Variants in CLYBL observed in about 807,000 individuals in gnomAD.
The protein encoded by CLYBL is citramalyl-CoA lyase.
A neutral mutation model predicts 38.9 loss-of-function variants in CLYBL; 31 were observed. The observed-to-expected ratio is 0.80, with a 90% CI of 0.60 to 1.08. CLYBL has a LOEUF of 1.08. CLYBL is among the 50% of genes least tolerant of loss of function. The probability of loss-of-function intolerance (pLI) is 0.00; values close to 1 mark genes in which losing one functional copy is unlikely to be tolerated. For synonymous variants in CLYBL, 171 were observed against 158.6 expected, an observed-to-expected ratio of 1.08 and a Z score of -0.59; for missense variants, 434 against 411.6, an observed-to-expected ratio of 1.05 and a Z score of -0.47.
chr13:99,863,564 A>G (rs2051663779), intron 4 of CLYBL, among the ~76,000 whole-genome samples: 3 of 152,246 alleles, frequency 2.0e-5, no homozygotes, highest in Non-Finnish European at 4.4e-5. Context: ...CATGCACACA[A>G]ATAATTTGCA....
At chr13:99,606,870 CG>C (rs1233270840) in intron 1 of CLYBL, 113 bp downstream of exon 1, 1 of 1,273,858 alleles carries the variant, frequency 7.9e-7, no homozygotes, top group African/African-American at 1.6e-5. Flanking sequence ...GGAACCCAGC[CG>C]GACGGAAGCA....
chr13:99,885,428 G>T (rs973349304), intron 7 of CLYBL, among the ~76,000 whole-genome samples: 3 of 152,098 alleles, frequency 2.0e-5, no homozygotes, highest in Non-Finnish European at 4.4e-5. Context: ...AGGGGGGAGG[G>T]TCCCATCATG....
chr13:99,746,699 G>A (rs538296031), intron 1 of CLYBL, among the ~76,000 whole-genome samples: 6 of 152,250 alleles, frequency 3.9e-5, no homozygotes, highest in South Asian at 2.1e-4. Flanking sequence ...TCAGGCTGGC[G>A]TGTCCTTTCT....
chr13:99,818,316 A>G (rs1426982232), intron 2 of CLYBL, among the ~76,000 whole-genome samples: 1 of 151,900 alleles, frequency 6.6e-6, no homozygotes, highest in East Asian at 1.9e-4. Context: ...CTGCCCACAA[A>G]ACTTTTCACT....
intron 2 of CLYBL, among the ~76,000 whole-genome samples, chr13:99,842,155 A>G (rs569212359): frequency 2.6e-5 from 4 of 152,248 alleles, no homozygotes; most frequent in African/African-American, 9.6e-5. Flanking sequence ...ATTTGATGCA[A>G]GTCGACAGTC....
At chr13:99,715,835 C>A (rs1455343840) in intron 1 of CLYBL, among the ~76,000 whole-genome samples, 1 of 152,090 alleles carries the variant, frequency 6.6e-6, no homozygotes, top group East Asian at 1.9e-4. Flanking sequence ...TCAGTGTTTT[C>A]ACTTGTTGAT....
chr13:99,647,241 C>G (rs1036938267), intron 1 of CLYBL, among the ~76,000 whole-genome samples: 1 of 152,128 alleles, frequency 6.6e-6, no homozygotes, highest in Non-Finnish European at 1.5e-5. Flanking sequence ...TTTGATAGCC[C>G]CAGCTCAAGA....
intron 1 of CLYBL, among the ~76,000 whole-genome samples, chr13:99,610,776 C>G (rs1025372341): frequency 2.6e-5 from 4 of 152,210 alleles, no homozygotes; most frequent in Non-Finnish European, 5.9e-5. Flanking sequence ...CATGTCACAA[C>G]TTTTCAGAGC....
At chr13:99,773,998 G>A (rs2049456387) in intron 2 of CLYBL, among the ~76,000 whole-genome samples, 1 of 151,710 alleles carries the variant, frequency 6.6e-6, no homozygotes, top group African/African-American at 2.4e-5. Flanking sequence ...AGGAGGCCAA[G>A]ATAGGAGCAT....
At chr13:99,743,966 C>CTTTTTTTTTTTT (rs1162079530) in intron 1 of CLYBL, among the ~76,000 whole-genome samples, 3 of 69,176 alleles carry the variant, frequency 4.3e-5, no homozygotes, top group African/African-American at 1.2e-4. Flanking sequence ...TCTCTTCTTT[C>CTTTTTTTTTTTT]TTTTTTTTTT....
intron 2 of CLYBL, among the ~76,000 whole-genome samples, chr13:99,819,406 G>T (rs2050527920): frequency 1.0e-5 from 1 of 95,514 alleles, no homozygotes. Context: ...TATTATCACT[G>T]GGAAAAAATT....
At chr13:99,866,710 T>C (rs1051107710) in intron 6 of CLYBL, among the ~76,000 whole-genome samples, 5 of 151,852 alleles carry the variant, frequency 3.3e-5, no homozygotes, top group African/African-American at 1.2e-4. Flanking sequence ...GGGATGAGGC[T>C]GCTCAAAAAG....
chr13:99,625,092 C>T (rs1035327808), intron 1 of CLYBL, among the ~76,000 whole-genome samples: 1 of 152,318 alleles, frequency 6.6e-6, no homozygotes, highest in Non-Finnish European at 1.5e-5. Flanking sequence ...CATGCCTTCT[C>T]CATCGGAGCT....
chr13:99,707,936 A>G (rs1159839881), intron 1 of CLYBL, among the ~76,000 whole-genome samples: 2 of 152,140 alleles, frequency 1.3e-5, no homozygotes, highest in Non-Finnish European at 2.9e-5. Flanking sequence ...TCCATTTAGC[A>G]TTCACCCTGG....
intron 2 of CLYBL, among the ~76,000 whole-genome samples, chr13:99,826,743 A>G (rs2050702876): frequency 6.6e-6 from 1 of 152,244 alleles, no homozygotes; most frequent in African/African-American, 2.4e-5. Context: ...AGTTCAAATC[A>G]TCTGCATTCT....
intron 3 of CLYBL, among the ~76,000 whole-genome samples, chr13:99,861,812 A>AG (rs1293767013): frequency 1.3e-5 from 2 of 152,146 alleles, no homozygotes; most frequent in Non-Finnish European, 2.9e-5. Context: ...ACCGGCAAGG[A>AG]GGGGGCAGCT....
intron 1 of CLYBL, among the ~76,000 whole-genome samples, chr13:99,673,349 G>T (rs1461783162): frequency 1.3e-5 from 2 of 151,228 alleles, no homozygotes; most frequent in Non-Finnish European, 2.9e-5. Context: ...GGAGGCAGAG[G>T]TTGCAGTAAG....
chr13:99,815,832 G>A (rs1364441153), intron 2 of CLYBL, among the ~76,000 whole-genome samples: 5 of 152,244 alleles, frequency 3.3e-5, no homozygotes, highest in African/African-American at 7.2e-5. Flanking sequence ...AGCCAAGATC[G>A]CGCCACTGCA....
rs75872902 is a variant in CLYBL at position 99,692,719 on chromosome 13, G to C, written c.63-80105G>C. Among the ~76,000 whole-genome samples the C allele has an allele frequency of 6.5e-3, 991 of 152,106 alleles. 12 individuals carry two copies. Among genetic ancestry groups the C allele is most frequent in the African/African-American group, 0.023 (952 of 41,472 alleles). On this transcript the variant is annotated intron_variant, in intron 1 of 8. Transcript: ENST00000339105. ...CTAAAAGAAACCCCATACCCATTGG[G>C]GTTCACTCCCTATGCACCCCTCTTC...
Sources: allele counts gnomAD v4.1 joint callset (sites outside exome capture counted in the v4.1 genomes callset), GRCh38; gene constraint gnomAD v4.1.1; transcripts MANE v1.5; gene names NCBI Gene and HGNC (gene_info 2026-07-23, HGNC 2026-07-21).